TAFA2: variants seen among roughly 807,000 people sequenced by gnomAD.
The protein encoded by TAFA2 is TAFA chemokine like family member 2.
TAFA2 carries 7 observed loss-of-function variants against 18.8 expected under a neutral mutation model. The ratio of observed to expected loss-of-function variants is 0.37; its 90% CI spans 0.21 to 0.70. TAFA2 has a LOEUF of 0.70. Among genes scored for constraint, TAFA2 ranks in the 30% least tolerant of loss-of-function variants. The pLI is 0.53. For missense variants in TAFA2, 122 were observed against 158.1 expected (o/e 0.77, Z 1.23); for synonymous variants, 60 against 54.2 (o/e 1.11, Z -0.47).
At chr12:61,991,456 G>C (rs1395077038) in intron 1 of TAFA2, among the ~76,000 whole-genome samples, 1 of 151,984 alleles carries the variant, frequency 6.6e-6, no homozygotes, top group East Asian at 1.9e-4. Context: ...ATCTACAAAG[G>C]CTTCATTTTA....
At chr12:62,148,039 C>T (rs146017068) in intron 1 of TAFA2, among the ~76,000 whole-genome samples, 1 of 149,636 alleles carries the variant, frequency 6.7e-6, no homozygotes, top group African/African-American at 2.5e-5. Context: ...GTCAGAATGG[C>T]TATTACTAAA....
At chr12:61,717,764 C>T (rs1180749859) in intron 4 of TAFA2, among the ~76,000 whole-genome samples, 1 of 152,090 alleles carries the variant, frequency 6.6e-6, no homozygotes, top group East Asian at 1.9e-4. Context: ...AACAGAATAC[C>T]AGATATGCCT....
At chr12:62,241,046 T>C (rs927249182) in intron 1 of TAFA2, among the ~76,000 whole-genome samples, 3 of 152,180 alleles carry the variant, frequency 2.0e-5, no homozygotes, top group African/African-American at 7.2e-5. Flanking sequence ...ACCACTGTTT[T>C]AAAGGCTTAT....
At chr12:62,245,308 T>C (rs1425679892) in intron 1 of TAFA2, among the ~76,000 whole-genome samples, 1 of 152,060 alleles carries the variant, frequency 6.6e-6, no homozygotes, top group Non-Finnish European at 1.5e-5. Flanking sequence ...ATTTATCTAA[T>C]TGCAAGCTCT....
At chr12:62,061,823 T>C (rs1202322385) in intron 1 of TAFA2, among the ~76,000 whole-genome samples, 1 of 152,228 alleles carries the variant, frequency 6.6e-6, no homozygotes, top group Non-Finnish European at 1.5e-5. Flanking sequence ...TTTTTACTTT[T>C]GAAGACATAT....
intron 1 of TAFA2, among the ~76,000 whole-genome samples, chr12:62,222,531 G>A (rs890116372): frequency 4.0e-5 from 6 of 151,784 alleles, no homozygotes; most frequent in Admixed American, 2.6e-4. Context: ...ATTTTGAGAC[G>A]GAGTCTTGCT....
chr12:61,966,306 A>C (rs1431397327), intron 1 of TAFA2, among the ~76,000 whole-genome samples: 1 of 151,898 alleles, frequency 6.6e-6, no homozygotes, highest in African/African-American at 2.4e-5. Flanking sequence ...GAGGGCTGCT[A>C]TCTACTTGCA....
intron 1 of TAFA2, among the ~76,000 whole-genome samples, chr12:61,934,271 T>C (rs1419860741): frequency 1.3e-5 from 2 of 152,164 alleles, no homozygotes; most frequent in Admixed American, 1.3e-4. Flanking sequence ...GTAATACTTA[T>C]CAGAGAGAAG....
intron 1 of TAFA2, among the ~76,000 whole-genome samples, chr12:62,093,016 T>C (rs1182005248): frequency 1.3e-5 from 2 of 152,042 alleles, no homozygotes; most frequent in Non-Finnish European, 2.9e-5. Flanking sequence ...AAATTTGCTT[T>C]TTAGTCCATT....
At position 62,168,419 on chromosome 12, in the gene TAFA2, C is replaced by T. The variant is rs192065284; in HGVS notation, c.-2+22840G>A. Among the ~76,000 whole-genome samples the T allele has an allele frequency of 1.1e-4, 17 of 152,264 alleles. No individual in the cohort carries two copies. In the East Asian group the frequency reaches 3.3e-3, roughly 29 times the overall value. ...AGAGAACAAATAAAGAGGTTAAAAA[C>T]ATGGCAAAGATTCAATCAGCAAAAT... On this transcript the variant is annotated intron_variant, in intron 1 of 4. Transcript: ENST00000416284.
chr12:61,787,442 T>C (rs1050128884), intron 2 of TAFA2, among the ~76,000 whole-genome samples: 6 of 151,712 alleles, frequency 4.0e-5, no homozygotes, highest in African/African-American at 1.4e-4. Context: ...GCTATGTAAA[T>C]CTTTCATACC....
chr12:62,043,931 G>A (rs1881837907), intron 1 of TAFA2, among the ~76,000 whole-genome samples: 1 of 152,238 alleles, frequency 6.6e-6, no homozygotes, highest in South Asian at 2.1e-4. Context: ...ACGAGGGAAA[G>A]CACAGAAAAG....
rs998001573 is a variant in TAFA2 at position 62,242,759 on chromosome 12, G to A, written c.-130+16004C>T. Reference sequence around the variant, plus strand: ...ATATCTGATTAAGTTTTTGAAAAGCGGCAGCTTTGGCTGGGCATAGTCTAT... The same window carrying A: ...ATATCTGATTAAGTTTTTGAAAAGCAGCAGCTTTGGCTGGGCATAGTCTAT... On this transcript the variant is annotated intron_variant, in intron 1 of 5. Transcript: ENST00000551619. 2.0e-5 allele frequency among the ~76,000 whole-genome samples: 3 copies of A among 152,148 alleles called. No individual in the cohort carries two copies. The East Asian group carries it at 5.8e-4, about 29-fold the overall frequency.
At chr12:62,168,945 T>TACAGACAC (rs2062458308) in intron 1 of TAFA2, among the ~76,000 whole-genome samples, 1 of 148,836 alleles carries the variant, frequency 6.7e-6, no homozygotes, top group South Asian at 2.1e-4. Context: ...ACTCACTCTC[T>TACAGACAC]ACACACACAC....
At chr12:61,931,070 T>C (rs1029313042) in intron 1 of TAFA2, among the ~76,000 whole-genome samples, 5 of 152,190 alleles carry the variant, frequency 3.3e-5, no homozygotes, top group Non-Finnish European at 5.9e-5. Context: ...GCTAAAGAAA[T>C]TGCGCTGTTC....
At chr12:62,240,770 C>T (rs2062859246) in intron 1 of TAFA2, among the ~76,000 whole-genome samples, 1 of 152,146 alleles carries the variant, frequency 6.6e-6, no homozygotes, top group Non-Finnish European at 1.5e-5. Context: ...AGGAACCAGA[C>T]TGCAGAGCAG....
At chr12:61,825,236 G>A (rs933076677) in intron 2 of TAFA2, among the ~76,000 whole-genome samples, 5 of 152,066 alleles carry the variant, frequency 3.3e-5, no homozygotes, top group Non-Finnish European at 7.4e-5. Flanking sequence ...ATGGAAAGGA[G>A]GATCCAAACA....
intron 1 of TAFA2, among the ~76,000 whole-genome samples, chr12:62,001,388 A>G (rs1166686010): frequency 6.6e-6 from 1 of 152,102 alleles, no homozygotes; most frequent in African/African-American, 2.4e-5. Flanking sequence ...TAATTAATAT[A>G]TAATAAAATA....
At chr12:61,741,312 C>G (rs1262311490) in intron 4 of TAFA2, among the ~76,000 whole-genome samples, 1 of 151,318 alleles carries the variant, frequency 6.6e-6, no homozygotes, top group Non-Finnish European at 1.5e-5. Flanking sequence ...GTATGTGTCT[C>G]CATCTCTCTT....
Sources: allele counts gnomAD v4.1 joint callset (sites outside exome capture counted in the v4.1 genomes callset), GRCh38; gene constraint gnomAD v4.1.1; transcripts MANE v1.5; gene names NCBI Gene and HGNC (gene_info 2026-07-23, HGNC 2026-07-21).